Variants in ENTHD1 observed in about 807,000 individuals in gnomAD.
ENTHD1 encodes the protein ENTH domain-containing protein 1.
Under a neutral mutation model 39.1 loss-of-function variants are expected in ENTHD1, and 23 were observed. That is an observed-to-expected ratio of 0.59 (90% CI 0.42 to 0.83). The LOEUF (loss-of-function observed/expected upper bound fraction) is 0.83, where lower values mean the gene tolerates loss of function less well. ENTHD1 is among the 40% of genes least tolerant of loss of function. The pLI is 0.00. For missense variants in ENTHD1, 624 were observed against 705.4 expected (o/e 0.88, Z 1.31); for synonymous variants, 230 against 258.2 (o/e 0.89, Z 1.05).
At chr22:39,744,346 A>G in intron 6 of ENTHD1, 63 bp from the exon 7 acceptor site, 1 of 1,415,610 alleles carries the variant, frequency 7.1e-7, no homozygotes, top group Non-Finnish European at 9.5e-7. Context: ...AATAGCTAAA[A>G]TAATTTTATA....
At chr22:39,831,027 G>A (rs2065864385) in intron 4 of ENTHD1, among the ~76,000 whole-genome samples, 1 of 152,224 alleles carries the variant, frequency 6.6e-6, no homozygotes, top group East Asian at 1.9e-4. Context: ...TCTGGGTACA[G>A]AAAATGTCAG....
intron 4 of ENTHD1, among the ~76,000 whole-genome samples, chr22:39,822,099 T>C (rs2065787225): frequency 6.6e-6 from 1 of 152,192 alleles, no homozygotes; most frequent in Admixed American, 6.5e-5. Context: ...CTGTTCATAT[T>C]TCCAACTTCT....
chr22:39,765,613 T>A lies in ENTHD1; in HGVS notation c.833-4A>T, dbSNP rs1555922634. ...TCTGAGAGAGTAGGCACAGCATCTA[T>A]AAAAGAACAAATAAGAGCTATAATC... On this transcript the variant is annotated splice_region_variant and splice_polypyrimidine_tract_variant and intron_variant, in intron 5 of 6. Coordinates refer to ENST00000325157, the MANE Select transcript of ENTHD1 (RefSeq NM_152512.4). 1.9e-6 allele frequency: 3 copies of A among 1,591,782 alleles called. No individual in the cohort carries two copies. The highest frequency in any genetic ancestry group is 2.6e-6 in the Non-Finnish European group (3 of 1,170,396).
At chr22:39,774,822 T>C (rs965665481) in intron 5 of ENTHD1, among the ~76,000 whole-genome samples, 1 of 152,210 alleles carries the variant, frequency 6.6e-6, no homozygotes, top group African/African-American at 2.4e-5. Context: ...CGTGCTGATA[T>C]TTTTGTCTGA....
chr22:39,838,358 C>T (rs577575930), intron 3 of ENTHD1, among the ~76,000 whole-genome samples: 46 of 152,210 alleles, frequency 3.0e-4, no homozygotes, highest in African/African-American at 1.1e-3. Flanking sequence ...ATCAAGTTAA[C>T]AGTCAACAAG....
At chr22:39,871,226 C>T (rs1329102929) in intron 2 of ENTHD1, among the ~76,000 whole-genome samples, 1 of 149,598 alleles carries the variant, frequency 6.7e-6, no homozygotes, top group African/African-American at 2.4e-5. Context: ...TAAATACGGA[C>T]CTTCCTAGTG....
At chr22:39,787,211 G>A (rs1478214532) in intron 5 of ENTHD1, among the ~76,000 whole-genome samples, 3 of 152,156 alleles carry the variant, frequency 2.0e-5, no homozygotes, top group East Asian at 3.9e-4. Context: ...GAACTTAATC[G>A]ATAAATGCTG....
intron 3 of ENTHD1, among the ~76,000 whole-genome samples, chr22:39,838,755 C>A (rs907715250): frequency 6.6e-6 from 1 of 151,786 alleles, no homozygotes; most frequent in East Asian, 1.9e-4. Flanking sequence ...ATATTAAAAC[C>A]TTTGGTCAGA....
chr22:39,806,313 C>T (rs2065640149), intron 5 of ENTHD1, among the ~76,000 whole-genome samples: 1 of 152,182 alleles, frequency 6.6e-6, no homozygotes, highest in African/African-American at 2.4e-5. Flanking sequence ...CTAATGTTAA[C>T]AATCAAGTGT....
At chr22:39,850,810 C>G (rs956817054) in intron 3 of ENTHD1, among the ~76,000 whole-genome samples, 44 of 152,200 alleles carry the variant, frequency 2.9e-4, no homozygotes, top group African/African-American at 1.1e-3. Flanking sequence ...TCTGGACCTG[C>G]CCACCCCCAC....
At chr22:39,759,247 G>C (rs937890721) in intron 6 of ENTHD1, among the ~76,000 whole-genome samples, 5 of 152,022 alleles carry the variant, frequency 3.3e-5, no homozygotes, top group African/African-American at 1.2e-4. Flanking sequence ...TCTGTGATGT[G>C]TTTTTGATAA....
intron 2 of ENTHD1, among the ~76,000 whole-genome samples, chr22:39,862,391 A>C (rs1390433757): frequency 6.6e-6 from 1 of 152,020 alleles, no homozygotes; most frequent in East Asian, 1.9e-4. Flanking sequence ...CTACTAAAAT[A>C]CAAAAAACTA....
At chr22:39,759,632 T>C (rs76448652) in intron 6 of ENTHD1, among the ~76,000 whole-genome samples, 1,864 of 152,148 alleles carry the variant, frequency 0.012, 24 homozygotes, top group East Asian at 0.063. Context: ...AATTTGTTCC[T>C]TTTTTCCAAG....
intron 5 of ENTHD1, among the ~76,000 whole-genome samples, chr22:39,790,277 G>A (rs1412181282): frequency 6.6e-6 from 1 of 152,174 alleles, no homozygotes; most frequent in Non-Finnish European, 1.5e-5. Context: ...AGGGTCACAG[G>A]TTAGGAGGCT....
chr22:39,879,984 T>G (rs1184543080), intron 2 of ENTHD1, among the ~76,000 whole-genome samples: 1 of 152,166 alleles, frequency 6.6e-6, no homozygotes, highest in South Asian at 2.1e-4. Flanking sequence ...TTCCAACAAT[T>G]TGGGAAGCCA....
chr22:39,847,987 C>A (rs1200995595), intron 3 of ENTHD1, among the ~76,000 whole-genome samples: 2 of 152,180 alleles, frequency 1.3e-5, no homozygotes, highest in African/African-American at 4.8e-5. Flanking sequence ...GAACTGTCAT[C>A]TGGAAACCCT....
At chr22:39,799,019 C>T (rs904986785) in intron 5 of ENTHD1, among the ~76,000 whole-genome samples, 1 of 152,158 alleles carries the variant, frequency 6.6e-6, no homozygotes, top group Non-Finnish European at 1.5e-5. Flanking sequence ...AATCCCCAGG[C>T]CCCTAGGTGG....
intron 3 of ENTHD1, among the ~76,000 whole-genome samples, chr22:39,846,780 G>A (rs985736351): frequency 1.4e-4 from 22 of 152,044 alleles, no homozygotes; most frequent in Non-Finnish European, 2.8e-4. Flanking sequence ...GCAGCCAAAA[G>A]ACACATGAAA....
At chr22:39,835,769 A>G (rs1297840037) in intron 4 of ENTHD1, 71 bp downstream of exon 4, 1 of 1,095,820 alleles carries the variant, frequency 9.1e-7, no homozygotes, top group East Asian at 2.5e-5. Context: ...AGAAGATAAT[A>G]AATTTGTTTG....
Sources: allele counts gnomAD v4.1 joint callset (sites outside exome capture counted in the v4.1 genomes callset), GRCh38; gene constraint gnomAD v4.1.1; transcripts MANE v1.5; gene names NCBI Gene and HGNC (gene_info 2026-07-23, HGNC 2026-07-21).